POU2AF1: variants seen among roughly 807,000 people sequenced by gnomAD.
POU2AF1 encodes the protein POU domain class 2-associating factor 1.
Under a neutral mutation model 26.3 loss-of-function variants are expected in POU2AF1, and 12 were observed. That is an observed-to-expected ratio of 0.46 (90% CI 0.29 to 0.74). The LOEUF (loss-of-function observed/expected upper bound fraction) is 0.74, where lower values mean the gene tolerates loss of function less well. Among genes scored for constraint, POU2AF1 ranks in the 30% least tolerant of loss-of-function variants. The pLI is 0.09. For missense variants in POU2AF1, 297 were observed against 334.5 expected, an observed-to-expected ratio of 0.89 and a Z score of 0.87; for synonymous variants, 175 against 148.0, an observed-to-expected ratio of 1.18 and a Z score of -1.32.
chr11:111,358,416 ACACGCT>A (rs1565360789), intron 2 of POU2AF1, among the ~76,000 whole-genome samples: 833 of 82,954 alleles, frequency 0.01, 16 homozygotes, highest in African/African-American at 0.031. Flanking sequence ...TCTCTCACAC[ACACGCT>A]CACACTCTCA....
In POU2AF1 at chr11:111,375,895, TC is replaced by T. The variant is rs373494267; in HGVS notation, c.16+3266del. On this transcript the variant is annotated intron_variant, in intron 1 of 4. Transcript: ENST00000393067. ...ATTCAAATGATAGACAGAGCTGTGT[TC>T]CAATAAAACTTTATTTACAAATGGA... is the stretch of plus-strand genomic sequence containing the variant. Among the ~76,000 whole-genome samples, 143 of 152,338 alleles carry T rather than the reference TC, an allele frequency of 9.4e-4. 4 individuals are homozygous for T. The East Asian group carries it at 0.021, about 23-fold the overall frequency.
chr11:111,361,313 G>GGGCCACCTGTGCGC (rs1248472120), intron 1 of POU2AF1, among the ~76,000 whole-genome samples: 24 of 152,172 alleles, frequency 1.6e-4, no homozygotes, highest in Non-Finnish European at 2.9e-4. Context: ...CTGTGCCCCG[G>GGGCCACCTGTGCGC]GGCCACCTGT....
chr11:111,368,087 C>T (rs1326106736), intron 1 of POU2AF1, among the ~76,000 whole-genome samples: 1 of 152,182 alleles, frequency 6.6e-6, no homozygotes, highest in Non-Finnish European at 1.5e-5. Context: ...GTGGGGTACA[C>T]AGACTTTAAT....
chr11:111,370,161 A>G (rs1353518188), intron 1 of POU2AF1, among the ~76,000 whole-genome samples: 1 of 152,140 alleles, frequency 6.6e-6, no homozygotes, highest in Non-Finnish European at 1.5e-5. Context: ...GATTCATGAG[A>G]AACATCACAG....
At chr11:111,377,579 T>G (rs1861333369) in intron 1 of POU2AF1, among the ~76,000 whole-genome samples, 1 of 152,166 alleles carries the variant, frequency 6.6e-6, no homozygotes, top group African/African-American at 2.4e-5. Context: ...AGATCCTCAG[T>G]GTGGATATGA....
intron 1 of POU2AF1, among the ~76,000 whole-genome samples, chr11:111,366,404 T>C (rs1389293979): frequency 1.3e-5 from 2 of 152,184 alleles, no homozygotes; most frequent in African/African-American, 4.8e-5. Context: ...GGAACCATGA[T>C]TGATGTACAA....
chr11:111,368,160 CTGAA>C (rs1861140372), intron 1 of POU2AF1, among the ~76,000 whole-genome samples: 1 of 152,184 alleles, frequency 6.6e-6, no homozygotes, highest in Admixed American at 6.5e-5. Context: ...TGCCTCAGAA[CTGAA>C]GTGGTTCTGG....
intron 1 of POU2AF1, among the ~76,000 whole-genome samples, chr11:111,372,057 C>G (rs373068130): frequency 0.66 from 93,441 of 142,494 alleles, 31,427 homozygotes; most frequent in Admixed American, 0.77. Context: ...CACACACACA[C>G]ACACACACAC....
intron 1 of POU2AF1, chr11:111,362,888 G>A (rs1861037940): frequency 6.5e-6 from 1 of 153,104 alleles, no homozygotes; most frequent in African/African-American, 2.4e-5. Flanking sequence ...CCTCTTGTTT[G>A]CATGTACACT....
chr11:111,371,797 C>A (rs1861213787), intron 1 of POU2AF1, among the ~76,000 whole-genome samples: 1 of 152,108 alleles, frequency 6.6e-6, no homozygotes, highest in Non-Finnish European at 1.5e-5. Context: ...GTAAGAGTCA[C>A]ACCTCTGGTG....
chr11:111,354,113 A>C lies in POU2AF1; in HGVS notation c.*148T>G. ...GGGAGGGAGGGGAAGGAAGAAGGGA[A>C]GGAAGGTTTACAGGTCTACAATTCT... On this transcript the variant is annotated 3_prime_UTR_variant, in exon 5 of 5. Coordinates refer to ENST00000393067, the MANE Select transcript of POU2AF1 (RefSeq NM_006235.3). The C allele has an allele frequency of 1.3e-6, 1 of 775,454 alleles. No homozygotes were observed. The allele number at this position is 775,454 out of a possible 1,614,324, so 48.0% of individuals were successfully genotyped here. A position where few individuals can be genotyped will look rare whatever the true frequency, so the allele number is the denominator to read the frequency against.
intron 1 of POU2AF1, among the ~76,000 whole-genome samples, chr11:111,377,286 G>A (rs542869052): frequency 1.3e-4 from 19 of 151,890 alleles, no homozygotes; most frequent in East Asian, 3.9e-4. Flanking sequence ...AGGGTGAGGC[G>A]AGAGAATCAC....
chr11:111,358,039 C>T (rs1464642532), intron 2 of POU2AF1, among the ~76,000 whole-genome samples: 2 of 152,122 alleles, frequency 1.3e-5, no homozygotes, highest in African/African-American at 4.8e-5. Flanking sequence ...GAAGTCTGTG[C>T]GCTCAGGGAG....
intron 1 of POU2AF1, chr11:111,377,878 A>G (rs1343413467): frequency 5.5e-6 from 1 of 180,920 alleles, no homozygotes; most frequent in Non-Finnish European, 1.2e-5. Flanking sequence ...GCGTGCCAAC[A>G]ATTCTTGAAT....
intron 1 of POU2AF1, among the ~76,000 whole-genome samples, chr11:111,365,155 G>A (rs946477496): frequency 2.6e-5 from 4 of 152,198 alleles, no homozygotes; most frequent in African/African-American, 9.7e-5. Context: ...ATGGTGGCCT[G>A]GGGTGCAGCC....
rs749162139 is a variant in POU2AF1, at chr11:111,358,820, C to T, written c.115G>A (p.Ala39Thr). Residue 39 changes from alanine (A) to threonine (T), a missense_variant, in exon 2 of 5, where the codon GCC (alanine) becomes ACC (threonine). Coordinates refer to ENST00000393067, the MANE Select transcript of POU2AF1 (RefSeq NM_006235.3). Reference sequence around the variant, plus strand: ...GGTGCAGGTGCTGCCCCACTGCTGGCGTGGCCTCGCTTCCTCCTCAGCAGT... The same window carrying T: ...GGTGCAGGTGCTGCCCCACTGCTGGTGTGGCCTCGCTTCCTCCTCAGCAGT... ...KELLRRKRGH[A>T]SSGAAPAPTA... The T allele has an allele frequency of 1.4e-5, 22 of 1,605,750 alleles. No individual in the cohort carries two copies. The highest frequency in any genetic ancestry group is 1.1e-4 in the South Asian group (10 of 90,240).
chr11:111,371,950 A>G (rs942466369), intron 1 of POU2AF1, among the ~76,000 whole-genome samples: 1 of 152,024 alleles, frequency 6.6e-6, no homozygotes, highest in African/African-American at 2.4e-5. Flanking sequence ...AAGAAAGAAC[A>G]GAAGTGTCAC....
intron 1 of POU2AF1, among the ~76,000 whole-genome samples, chr11:111,376,798 G>A (rs1452536474): frequency 6.6e-6 from 1 of 152,118 alleles, no homozygotes; most frequent in Non-Finnish European, 1.5e-5. Flanking sequence ...ATGCTGCCCT[G>A]TTTTTACTGA....
intron 1 of POU2AF1, among the ~76,000 whole-genome samples, chr11:111,374,116 A>ATTTTTTTTTTTT (rs60260380): frequency 2.7e-5 from 3 of 109,646 alleles, no homozygotes; most frequent in Non-Finnish European, 3.7e-5. Flanking sequence ...GGCAAACTTG[A>ATTTTTTTTTTTT]TTTTTTTTTT....
Sources: allele counts gnomAD v4.1 joint callset (sites outside exome capture counted in the v4.1 genomes callset), GRCh38; gene constraint gnomAD v4.1.1; transcripts MANE v1.5; gene names NCBI Gene and HGNC (gene_info 2026-07-23, HGNC 2026-07-21).